ALK: variants seen among roughly 807,000 people sequenced by gnomAD.
ALK encodes the protein ALK tyrosine kinase receptor.
In ALK, 74 loss-of-function variants were observed where a neutral mutation model predicts 163.1. The observed-to-expected ratio is 0.45, with a 90% CI of 0.38 to 0.55. The LOEUF is 0.55. ALK is among the 20% of genes least tolerant of loss of function. The probability of loss-of-function intolerance (pLI) is 0.00; values close to 1 mark genes in which losing one functional copy is unlikely to be tolerated. For missense variants in ALK, 2,063 were observed against 2,105.3 expected (o/e 0.98, Z 0.39); for synonymous variants, 960 against 843.2 (o/e 1.14, Z -2.40).
intron 5 of ALK, among the ~76,000 whole-genome samples, chr2:29,368,390 G>C (rs1473275807): frequency 6.6e-6 from 1 of 152,198 alleles, no homozygotes; most frequent in Non-Finnish European, 1.5e-5. Context: ...AGTGATGAGA[G>C]ACAGTGGCCC....
intron 2 of ALK, among the ~76,000 whole-genome samples, chr2:29,716,642 G>A (rs985376212): frequency 6.6e-6 from 1 of 152,136 alleles, no homozygotes; most frequent in South Asian, 2.1e-4. Context: ...CTTGGTAGCT[G>A]GAGAAGCCAC....
At chr2:29,889,956 C>T (rs1667103331) in intron 1 of ALK, among the ~76,000 whole-genome samples, 2 of 152,102 alleles carry the variant, frequency 1.3e-5, no homozygotes, top group Admixed American at 1.3e-4. Flanking sequence ...AGATGCTTTA[C>T]AAAGACATTG....
chr2:29,598,028 G>A (rs1675263735), intron 3 of ALK, among the ~76,000 whole-genome samples: 1 of 152,218 alleles, frequency 6.6e-6, no homozygotes, highest in African/African-American at 2.4e-5. Flanking sequence ...GAGGTTCAGA[G>A]AGTACTGTTA....
intron 1 of ALK, among the ~76,000 whole-genome samples, chr2:29,830,713 T>TAAAAAAAAAAAA (rs530774574): frequency 2.1e-4 from 6 of 28,966 alleles, no homozygotes; most frequent in African/African-American, 6.6e-4. Flanking sequence ...TAAAATAGTT[T>TAAAAAAAAAAAA]AAAAAAAAAA....
intron 1 of ALK, among the ~76,000 whole-genome samples, chr2:29,914,309 G>A (rs4355068): frequency 0.99 from 150,275 of 152,332 alleles, 74,155 homozygotes; most frequent in East Asian, 1. Context: ...ATCTCTTAGG[G>A]GTAAGAAGCT....
chr2:29,429,913 A>G (rs187799266), intron 4 of ALK, among the ~76,000 whole-genome samples: 3 of 152,190 alleles, frequency 2.0e-5, no homozygotes, highest in Middle Eastern at 3.2e-3. Context: ...TAAACCCTCA[A>G]ATTTGTGGTT....
At chr2:29,842,844 G>A (rs1348074896) in intron 1 of ALK, among the ~76,000 whole-genome samples, 3 of 152,182 alleles carry the variant, frequency 2.0e-5, no homozygotes, top group Non-Finnish European at 2.9e-5. Context: ...TTCCTCTCTT[G>A]CAGGTGGGGA....
chr2:29,349,946 G>C (rs1668069418), intron 5 of ALK, among the ~76,000 whole-genome samples: 1 of 152,208 alleles, frequency 6.6e-6, no homozygotes, highest in African/African-American at 2.4e-5. Context: ...CACAAGGCAG[G>C]AATCACTGAA....
chr2:29,383,428 T>C (rs544105303), intron 5 of ALK, among the ~76,000 whole-genome samples: 6 of 152,164 alleles, frequency 3.9e-5, no homozygotes, highest in Admixed American at 3.9e-4. Context: ...GCAATTCTCC[T>C]GCCTCAGACT....
chr2:29,396,788 C>A (rs1327121154), intron 4 of ALK, among the ~76,000 whole-genome samples: 14 of 147,114 alleles, frequency 9.5e-5, no homozygotes, highest in African/African-American at 3.5e-4. Flanking sequence ...TCATCCTCCA[C>A]ATTTTGCTCA....
At chr2:29,334,117 T>C (rs1667538750) in intron 5 of ALK, among the ~76,000 whole-genome samples, 1 of 152,200 alleles carries the variant, frequency 6.6e-6, no homozygotes, top group Admixed American at 6.5e-5. Context: ...CACCACCTCA[T>C]CTGTGCCATT....
At chr2:29,819,625 C>G (rs1481103406) in intron 1 of ALK, among the ~76,000 whole-genome samples, 1 of 152,226 alleles carries the variant, frequency 6.6e-6, no homozygotes, top group Non-Finnish European at 1.5e-5. Context: ...GCAAATTGAT[C>G]TTACCAACTG....
intron 5 of ALK, among the ~76,000 whole-genome samples, chr2:29,366,418 G>T (rs75952894): frequency 6.6e-6 from 1 of 152,134 alleles, no homozygotes; most frequent in Non-Finnish European, 1.5e-5. Flanking sequence ...GGGCAGTGGG[G>T]AGCCCTTGGC....
intron 1 of ALK, among the ~76,000 whole-genome samples, chr2:29,736,473 T>A (rs1679895831): frequency 6.6e-6 from 1 of 152,050 alleles, no homozygotes. Context: ...TATTTTAAAA[T>A]TTGACAAAGT....
At chr2:29,886,524 C>A (rs1010643003) in intron 1 of ALK, among the ~76,000 whole-genome samples, 1 of 152,212 alleles carries the variant, frequency 6.6e-6, no homozygotes, top group African/African-American at 2.4e-5. Context: ...AAAACTCAGG[C>A]CTATGGCCCC....
chr2:29,913,577 C>G (rs188566481), intron 1 of ALK, among the ~76,000 whole-genome samples: 69 of 152,310 alleles, frequency 4.5e-4, no homozygotes, highest in African/African-American at 1.6e-3. Context: ...ACCATCCTCA[C>G]CCACACGCCT....
intron 4 of ALK, among the ~76,000 whole-genome samples, chr2:29,447,015 CACTT>C (rs1670701098): frequency 6.6e-6 from 1 of 152,182 alleles, no homozygotes; most frequent in Non-Finnish European, 1.5e-5. Flanking sequence ...TGGTGCCAGG[CACTT>C]ACTCACTGGA....
chr2:29,256,888 T>A (rs936615399), intron 11 of ALK, among the ~76,000 whole-genome samples: 1 of 152,084 alleles, frequency 6.6e-6, no homozygotes. Flanking sequence ...AGAGAGGACA[T>A]GGGAGCAAGG....
At chr2:29,694,477 C>A (rs1453734614) in intron 3 of ALK, among the ~76,000 whole-genome samples, 1 of 152,192 alleles carries the variant, frequency 6.6e-6, no homozygotes, top group Non-Finnish European at 1.5e-5. Flanking sequence ...GCATGAGACA[C>A]ACTTGTACTA....
Sources: gnomAD v4.1 joint callset for allele counts (sites outside exome capture counted in the v4.1 genomes callset) on GRCh38, gnomAD v4.1.1 for gene constraint, MANE v1.5 for transcripts, NCBI Gene and HGNC (gene_info 2026-07-23, HGNC 2026-07-21) for gene names.